The following NALF1 variants were observed in gnomAD, a reference collection of about 807,000 sequenced individuals.
The protein encoded by NALF1 is family with sequence similarity 155 member A.
Under a neutral mutation model 48.4 loss-of-function variants are expected in NALF1, and 3 were observed. That is an observed-to-expected ratio of 0.06 (90% CI 0.03 to 0.16). The LOEUF is 0.16. Ranked by LOEUF, NALF1 falls within the 10% of genes least tolerant of loss-of-function variation. The pLI is 1.00. For synonymous variants in NALF1, 262 were observed against 245.7 expected (o/e 1.07, Z -0.62); for missense variants, 526 against 571.5 (o/e 0.92, Z 0.81).
At chr13:107,420,334 T>G (rs1884164350) in intron 1 of NALF1, among the ~76,000 whole-genome samples, 1 of 152,180 alleles carries the variant, frequency 6.6e-6, no homozygotes, top group Non-Finnish European at 1.5e-5. Flanking sequence ...ATTGCTAACG[T>G]GATATTATAA....
intron 1 of NALF1, among the ~76,000 whole-genome samples, chr13:107,750,467 A>T (rs1308378886): frequency 6.6e-6 from 1 of 152,170 alleles, no homozygotes; most frequent in Admixed American, 6.5e-5. Context: ...TTATATCTGG[A>T]TGTGTTTTGG....
intron 1 of NALF1, among the ~76,000 whole-genome samples, chr13:107,699,440 A>G (rs1881770577): frequency 6.6e-6 from 1 of 152,174 alleles, no homozygotes; most frequent in Non-Finnish European, 1.5e-5. Flanking sequence ...TGAAAAATGT[A>G]TTCAGACATC....
intron 1 of NALF1, among the ~76,000 whole-genome samples, chr13:107,546,516 T>C (rs1053066603): frequency 4.6e-5 from 7 of 152,168 alleles, no homozygotes; most frequent in African/African-American, 7.2e-5. Flanking sequence ...AAGTTCTACA[T>C]TGGCCTTTTT....
intron 1 of NALF1, among the ~76,000 whole-genome samples, chr13:107,705,562 A>G (rs1326113643): frequency 6.6e-6 from 1 of 152,090 alleles, no homozygotes; most frequent in Non-Finnish European, 1.5e-5. Context: ...ATGCTTACAC[A>G]GTGATGCATA....
At chr13:107,501,115 T>TA (rs1234581402) in intron 1 of NALF1, among the ~76,000 whole-genome samples, 2 of 151,048 alleles carry the variant, frequency 1.3e-5, no homozygotes, top group Admixed American at 1.3e-4. Context: ...TAATAAAATT[T>TA]AAAAAAAAAG....
chr13:107,693,273 T>C (rs1029318502), intron 1 of NALF1, among the ~76,000 whole-genome samples: 2 of 131,606 alleles, frequency 1.5e-5, no homozygotes, highest in Non-Finnish European at 3.1e-5. Context: ...AATTGAACAA[T>C]GAGAACACAT....
At chr13:107,488,249 G>GT (rs531477722) in intron 1 of NALF1, among the ~76,000 whole-genome samples, 4 of 146,858 alleles carry the variant, frequency 2.7e-5, no homozygotes, top group South Asian at 2.1e-4. Flanking sequence ...TCTTTTGAAT[G>GT]TTTTTTTCCT....
At chr13:107,537,810 G>A (rs183476018) in intron 1 of NALF1, among the ~76,000 whole-genome samples, 2 of 152,220 alleles carry the variant, frequency 1.3e-5, no homozygotes, top group Admixed American at 6.5e-5. Context: ...TTGAGGTCAG[G>A]AGTTCAAGAC....
chr13:107,420,168 G>A (rs544639860), intron 1 of NALF1, among the ~76,000 whole-genome samples: 1 of 152,152 alleles, frequency 6.6e-6, no homozygotes, highest in East Asian at 1.9e-4. Context: ...ATTTTGAATC[G>A]GTGCTACTTT....
intron 1 of NALF1, among the ~76,000 whole-genome samples, chr13:107,469,733 CTTTTTTTTTTTT>C (rs61241553): frequency 3.8e-5 from 3 of 79,956 alleles, no homozygotes; most frequent in African/African-American, 5.3e-5. Context: ...AACTGTGTAT[CTTTTTTTTTTTT>C]TTTTTTTTTT....
chr13:107,347,014 T>G (rs756443203), intron 1 of NALF1, among the ~76,000 whole-genome samples: 8 of 152,222 alleles, frequency 5.3e-5, no homozygotes, highest in Non-Finnish European at 8.8e-5. Context: ...AAAATTTTCT[T>G]ATTTCTTTTT....
chr13:107,193,912 G>GAT (rs1339154985), intron 2 of NALF1, among the ~76,000 whole-genome samples: 1 of 151,794 alleles, frequency 6.6e-6, no homozygotes, highest in East Asian at 1.9e-4. Context: ...GAGAGAGAGA[G>GAT]AGCTGTATTT....
intron 1 of NALF1, among the ~76,000 whole-genome samples, chr13:107,325,739 G>T (rs925960386): frequency 1.1e-4 from 16 of 150,448 alleles, no homozygotes; most frequent in African/African-American, 3.7e-4. Flanking sequence ...TACTGGGGGC[G>T]CTGAGGTAGG....
chr13:107,703,186 T>C (rs1226894730), intron 1 of NALF1, among the ~76,000 whole-genome samples: 1 of 152,176 alleles, frequency 6.6e-6, no homozygotes, highest in Non-Finnish European at 1.5e-5. Context: ...ACCCATTTAT[T>C]ATCTTCCTCC....
intron 1 of NALF1, among the ~76,000 whole-genome samples, chr13:107,327,146 G>C (rs1161070709): frequency 6.6e-6 from 1 of 152,178 alleles, no homozygotes; most frequent in African/African-American, 2.4e-5. Flanking sequence ...AAAAGTTATA[G>C]TTCTTCTTGC....
intron 1 of NALF1, among the ~76,000 whole-genome samples, chr13:107,535,953 C>A (rs1325602598): frequency 6.6e-6 from 1 of 152,070 alleles, no homozygotes; most frequent in Non-Finnish European, 1.5e-5. Context: ...CTTTGACAAA[C>A]CTGACAAAAA....
At chr13:107,744,190 A>C (rs193033117) in intron 1 of NALF1, among the ~76,000 whole-genome samples, 129 of 152,324 alleles carry the variant, frequency 8.5e-4, no homozygotes, top group Non-Finnish European at 1.1e-3. Context: ...GGCTTAATCC[A>C]GTGTGAGATC....
chr13:107,451,439 GAACA>G (rs959272801), intron 1 of NALF1, among the ~76,000 whole-genome samples: 125 of 152,318 alleles, frequency 8.2e-4, no homozygotes, highest in African/African-American at 2.9e-3. Flanking sequence ...ATAGTTCTCA[GAACA>G]AACAGCAGTT....
chr13:107,552,700 C>A (rs138528275), intron 1 of NALF1, among the ~76,000 whole-genome samples: 2 of 151,942 alleles, frequency 1.3e-5, no homozygotes, highest in African/African-American at 4.8e-5. Context: ...CATAATGATT[C>A]GGACTTTATT....
Sources: gnomAD v4.1 joint callset for allele counts (sites outside exome capture counted in the v4.1 genomes callset) on GRCh38, gnomAD v4.1.1 for gene constraint, MANE v1.5 for transcripts, NCBI Gene and HGNC (gene_info 2026-07-23, HGNC 2026-07-21) for gene names.